NR6A1: variants seen among roughly 807,000 people sequenced by gnomAD.
The protein encoded by NR6A1 is nuclear receptor subfamily 6 group A member 1, also known as retinoic acid receptor-related testis-associated receptor.
A neutral mutation model predicts 59.1 loss-of-function variants in NR6A1; 7 were observed. That is an observed-to-expected ratio of 0.12 (90% CI 0.07 to 0.22). NR6A1 has a LOEUF of 0.22. Among genes scored for constraint, NR6A1 ranks in the 10% least tolerant of loss-of-function variants. The pLI is 1.00. For synonymous variants in NR6A1, 243 were observed against 236.1 expected (o/e 1.03, Z -0.27); for missense variants, 468 against 611.6 (o/e 0.77, Z 2.48).
intron 9 of NR6A1, among the ~76,000 whole-genome samples, chr9:124,523,761 T>C (rs1271602593): frequency 1.3e-5 from 2 of 151,366 alleles, no homozygotes; most frequent in Non-Finnish European, 3.0e-5. Flanking sequence ...GCCCAAGAAA[T>C]AGAAAAAAAA....
At chr9:124,693,452 C>T (rs889283022) in intron 2 of NR6A1, among the ~76,000 whole-genome samples, 1 of 152,216 alleles carries the variant, frequency 6.6e-6, no homozygotes, top group Non-Finnish European at 1.5e-5. Flanking sequence ...TACTAATATG[C>T]AAGCACTGCC....
chr9:124,684,066 A>T (rs1376518238), intron 2 of NR6A1, among the ~76,000 whole-genome samples: 1 of 152,214 alleles, frequency 6.6e-6, no homozygotes, highest in Non-Finnish European at 1.5e-5. Flanking sequence ...ACAAAACACT[A>T]GCCTCGAGTA....
intron 6 of NR6A1, among the ~76,000 whole-genome samples, chr9:124,536,536 G>A (rs532925275): frequency 6.6e-6 from 1 of 152,208 alleles, no homozygotes; most frequent in South Asian, 2.1e-4. Context: ...GCACATGCCT[G>A]TAATCCCAGC....
At chr9:124,547,180 C>G (rs1833625154) in intron 3 of NR6A1, among the ~76,000 whole-genome samples, 1 of 152,260 alleles carries the variant, frequency 6.6e-6, no homozygotes, top group African/African-American at 2.4e-5. Context: ...TCTCAGAAGG[C>G]ACCACAAACA....
chr9:124,716,298 A>G (rs1024744373), intron 2 of NR6A1, among the ~76,000 whole-genome samples: 1 of 152,252 alleles, frequency 6.6e-6, no homozygotes, highest in African/African-American at 2.4e-5. Flanking sequence ...CTACCTCATA[A>G]TACAGAAAAA....
At chr9:124,642,709 G>C (rs1836801252) in intron 2 of NR6A1, among the ~76,000 whole-genome samples, 1 of 152,114 alleles carries the variant, frequency 6.6e-6, no homozygotes, top group Non-Finnish European at 1.5e-5. Context: ...TGTGGGGCAG[G>C]GTGGTGGAGG....
chr9:124,551,860 C>T (rs1833787806), intron 3 of NR6A1, among the ~76,000 whole-genome samples: 1 of 152,156 alleles, frequency 6.6e-6, no homozygotes, highest in East Asian at 1.9e-4. Flanking sequence ...CATTCCTTAC[C>T]CCCAAAATAC....
chr9:124,669,598 A>G (rs1004782400), intron 2 of NR6A1, among the ~76,000 whole-genome samples: 2 of 152,212 alleles, frequency 1.3e-5, no homozygotes, highest in African/African-American at 4.8e-5. Flanking sequence ...AATCAACTTA[A>G]ATATCAAAAT....
chr9:124,565,965 T>C (rs1426262053), intron 2 of NR6A1, among the ~76,000 whole-genome samples: 1 of 152,216 alleles, frequency 6.6e-6, no homozygotes, highest in African/African-American at 2.4e-5. Flanking sequence ...ATATACCCAA[T>C]ACAAAATGCA....
chr9:124,643,277 T>C (rs917001635), intron 2 of NR6A1, among the ~76,000 whole-genome samples: 8 of 151,672 alleles, frequency 5.3e-5, no homozygotes, highest in Admixed American at 4.6e-4. Context: ...CTGGGCAACA[T>C]AGTGAGACCC....
At chr9:124,748,498 G>T (rs551088316) in intron 1 of NR6A1, among the ~76,000 whole-genome samples, 1 of 152,232 alleles carries the variant, frequency 6.6e-6, no homozygotes, top group South Asian at 2.1e-4. Context: ...AACATTTGTA[G>T]GATTCCTGTG....
chr9:124,615,688 C>T (rs903008461), intron 2 of NR6A1, among the ~76,000 whole-genome samples: 1 of 151,414 alleles, frequency 6.6e-6, no homozygotes, highest in African/African-American at 2.4e-5. Flanking sequence ...AGGCTTTTGT[C>T]AAAGAGCTGA....
At position 124,639,190 on chromosome 9, in the gene NR6A1, T is replaced by G. The variant is rs552590973; in HGVS notation, c.143-84620A>C. ...ATGCTGGATAGGTAATCTGCTTAAGTTAATACAACTAGTTAGTGGTGGAGC... is the reference window on the plus strand; with the variant it reads ...ATGCTGGATAGGTAATCTGCTTAAGGTAATACAACTAGTTAGTGGTGGAGC... On this transcript the variant is annotated intron_variant, in intron 2 of 9. Coordinates refer to ENST00000487099, the MANE Select transcript of NR6A1 (RefSeq NM_033334.4). Among the ~76,000 whole-genome samples, 10 of 152,318 alleles carry G rather than the reference T, an allele frequency of 6.6e-5. No individual in the cohort carries two copies. The South Asian group carries it at 1.9e-3, about 28-fold the overall frequency.
At position 124,651,170 on chromosome 9, in the gene NR6A1, C is replaced by A. The variant is rs556549031; in HGVS notation, c.142+82138G>T. On this transcript the variant is annotated intron_variant, in intron 2 of 9. Transcript: ENST00000487099. ...TTCCCAGGCACAAGTGATCCCCCTG[C>A]CTCAGCCTCCCAAGTAGCTAGGACT... Among the ~76,000 whole-genome samples the A allele has an allele frequency of 2.6e-5, 4 of 152,322 alleles. No individual in the cohort carries two copies. In the South Asian group the frequency reaches 8.3e-4, roughly 32 times the overall value.
intron 2 of NR6A1, among the ~76,000 whole-genome samples, chr9:124,672,945 G>A (rs993863544): frequency 6.6e-6 from 1 of 152,142 alleles, no homozygotes; most frequent in Non-Finnish European, 1.5e-5. Context: ...TTTGGGGAAA[G>A]GGAGGGAACA....
At chr9:124,767,618 T>C (rs1007666234) in intron 1 of NR6A1, among the ~76,000 whole-genome samples, 2 of 151,482 alleles carry the variant, frequency 1.3e-5, no homozygotes, top group Admixed American at 6.6e-5. Flanking sequence ...TAGGAAAAAA[T>C]TCTGGGGCAA....
Position 124,580,792 on chromosome 9 carries a change from C to G in NR6A1, c.143-26222G>C, listed in dbSNP as rs556373450. On this transcript the variant is annotated intron_variant, in intron 2 of 9. Coordinates refer to ENST00000487099, the MANE Select transcript of NR6A1 (RefSeq NM_033334.4). ...CCAAGATCGCGCCACTGTACTCTAG[C>G]CTGGGCAACAGAGTGAGACTCCAAC... Among the ~76,000 whole-genome samples the G allele has an allele frequency of 5.3e-5, 8 of 152,038 alleles. 1 individual carries two copies. The South Asian group carries it at 1.7e-3, about 32-fold the overall frequency.
chr9:124,713,019 C>G (rs1839320791), intron 2 of NR6A1, among the ~76,000 whole-genome samples: 1 of 152,108 alleles, frequency 6.6e-6, no homozygotes, highest in Non-Finnish European at 1.5e-5. Flanking sequence ...AAATTTACTA[C>G]AAAGCTACAG....
chr9:124,666,184 A>T (rs554870948), intron 2 of NR6A1, among the ~76,000 whole-genome samples: 1 of 152,164 alleles, frequency 6.6e-6, no homozygotes, highest in East Asian at 1.9e-4. Flanking sequence ...ATTCAGAGCA[A>T]ATTAGACAGT....
Sources: allele counts gnomAD v4.1 joint callset (sites outside exome capture counted in the v4.1 genomes callset), GRCh38; gene constraint gnomAD v4.1.1; transcripts MANE v1.5; gene names NCBI Gene and HGNC (gene_info 2026-07-23, HGNC 2026-07-21).